Variants in TMEFF2 observed in about 807,000 individuals in gnomAD.
TMEFF2 encodes tomoregulin-2.
TMEFF2 carries 28 observed loss-of-function variants against 53.8 expected under a neutral mutation model. The ratio of observed to expected loss-of-function variants is 0.52; its 90% confidence interval spans 0.39 to 0.71. TMEFF2 has a LOEUF of 0.71. TMEFF2 is among the 30% of genes least tolerant of loss of function. The pLI is 0.00. For synonymous variants in TMEFF2, 162 were observed against 166.3 expected (o/e 0.97, Z 0.20); for missense variants, 353 against 455.2 (o/e 0.78, Z 2.04).
intron 4 of TMEFF2, among the ~76,000 whole-genome samples, chr2:192,089,343 CT>C (rs548259864): frequency 1.4e-4 from 21 of 152,004 alleles, no homozygotes; most frequent in Non-Finnish European, 2.1e-4. Flanking sequence ...CAATCTTAGT[CT>C]TTTTTTCCCC....
At chr2:191,980,213 A>G (rs1451413029) in intron 7 of TMEFF2, among the ~76,000 whole-genome samples, 2 of 152,212 alleles carry the variant, frequency 1.3e-5, no homozygotes, top group African/African-American at 2.4e-5. Flanking sequence ...ATCTGCTCAC[A>G]TTAAACACAG....
At chr2:192,158,824 T>G (rs1186322541) in intron 4 of TMEFF2, among the ~76,000 whole-genome samples, 2 of 152,072 alleles carry the variant, frequency 1.3e-5, no homozygotes, top group Admixed American at 6.6e-5. Flanking sequence ...GTACATGAAT[T>G]TAAAAAGAGA....
intron 4 of TMEFF2, among the ~76,000 whole-genome samples, chr2:192,125,316 A>C (rs959824013): frequency 1.3e-5 from 2 of 152,210 alleles, no homozygotes; most frequent in African/African-American, 4.8e-5. Context: ...TTAAGCTATT[A>C]TATAAAGTTC....
chr2:191,999,885 C>A (rs1015849106), intron 5 of TMEFF2, among the ~76,000 whole-genome samples: 1 of 133,720 alleles, frequency 7.5e-6, no homozygotes, highest in Non-Finnish European at 1.7e-5. Flanking sequence ...TTAAGCATAT[C>A]CTATGAAACC....
chr2:191,951,849 C>T (rs1574237217), intron 9 of TMEFF2, among the ~76,000 whole-genome samples: 1 of 151,956 alleles, frequency 6.6e-6, no homozygotes, highest in Admixed American at 6.5e-5. Context: ...CCCTCAAAAG[C>T]CAATAAATTG....
chr2:191,988,722 G>A (rs930454708), intron 7 of TMEFF2, among the ~76,000 whole-genome samples: 1 of 152,086 alleles, frequency 6.6e-6, no homozygotes, highest in African/African-American at 2.4e-5. Flanking sequence ...ATACTTTTGG[G>A]AGGGAGTTTT....
intron 5 of TMEFF2, among the ~76,000 whole-genome samples, chr2:192,034,099 C>T (rs192951202): frequency 0.022 from 3,214 of 145,572 alleles, 45 homozygotes; most frequent in Admixed American, 0.041. Context: ...GGCGTGAACC[C>T]GGGAGGCGGA....
chr2:191,998,456 T>C, intron 6 of TMEFF2, 135 bp from the exon 7 acceptor site: 1 of 563,310 alleles, frequency 1.8e-6, no homozygotes, highest in Non-Finnish European at 3.0e-6. Context: ...GCAACCTGCA[T>C]CATACTAAGA....
intron 5 of TMEFF2, among the ~76,000 whole-genome samples, chr2:192,007,375 T>G (rs1470110885): frequency 6.6e-6 from 1 of 152,206 alleles, no homozygotes; most frequent in African/African-American, 2.4e-5. Context: ...TCTGGCGCCT[T>G]GCTCCTACTT....
At chr2:192,189,901 C>T (rs955413690) in intron 2 of TMEFF2, among the ~76,000 whole-genome samples, 1 of 152,144 alleles carries the variant, frequency 6.6e-6, no homozygotes, top group South Asian at 2.1e-4. Flanking sequence ...TATTGCAAAG[C>T]ACAAACTAAT....
chr2:192,049,438 T>G (rs1270576066), intron 5 of TMEFF2, among the ~76,000 whole-genome samples: 1 of 152,162 alleles, frequency 6.6e-6, no homozygotes, highest in East Asian at 1.9e-4. Flanking sequence ...TGACACGCTT[T>G]GGAAAGGTTT....
intron 5 of TMEFF2, among the ~76,000 whole-genome samples, chr2:192,023,672 C>T: frequency 6.6e-6 from 1 of 151,778 alleles, no homozygotes; most frequent in East Asian, 1.9e-4. Context: ...TTTTTCATAT[C>T]TCTGTCTGTC....
At chr2:191,982,534 A>G (rs1685878397) in intron 7 of TMEFF2, among the ~76,000 whole-genome samples, 1 of 150,254 alleles carries the variant, frequency 6.7e-6, no homozygotes, top group South Asian at 2.1e-4. Flanking sequence ...AAGAGCATGG[A>G]GAAAGTTACA....
chr2:191,974,681 T>G (rs1311096770), intron 7 of TMEFF2, among the ~76,000 whole-genome samples: 1 of 152,186 alleles, frequency 6.6e-6, no homozygotes, highest in Non-Finnish European at 1.5e-5. Context: ...CTTTATTTTT[T>G]TTAATTGTAA....
intron 7 of TMEFF2, among the ~76,000 whole-genome samples, chr2:191,982,661 T>C (rs1208572116): frequency 6.6e-6 from 1 of 152,128 alleles, no homozygotes; most frequent in Non-Finnish European, 1.5e-5. Context: ...CTAAGAATAA[T>C]AGATGAGACA....
intron 5 of TMEFF2, among the ~76,000 whole-genome samples, chr2:192,032,807 T>C (rs576266727): frequency 6.6e-6 from 1 of 152,304 alleles, no homozygotes; most frequent in Admixed American, 6.5e-5. Context: ...AAAATCAGGA[T>C]AGGAACACTC....
At chr2:192,126,936 G>A (rs1689692487) in intron 4 of TMEFF2, among the ~76,000 whole-genome samples, 1 of 152,200 alleles carries the variant, frequency 6.6e-6, no homozygotes, top group East Asian at 1.9e-4. Flanking sequence ...CAATATAGAA[G>A]TTAATTTTTG....
intron 7 of TMEFF2, among the ~76,000 whole-genome samples, chr2:191,957,820 C>T (rs1263445979): frequency 6.6e-6 from 1 of 152,126 alleles, no homozygotes; most frequent in African/African-American, 2.4e-5. Flanking sequence ...GTCTCTTTAG[C>T]TAGGATGGTT....
At chr2:192,010,355 G>C (rs190294942) in intron 5 of TMEFF2, among the ~76,000 whole-genome samples, 1 of 152,240 alleles carries the variant, frequency 6.6e-6, no homozygotes, top group East Asian at 1.9e-4. Flanking sequence ...ACTTTAAGTA[G>C]AAATATTTCA....
Sources: allele counts gnomAD v4.1 joint callset (sites outside exome capture counted in the v4.1 genomes callset), GRCh38; gene constraint gnomAD v4.1.1; transcripts MANE v1.5; gene names NCBI Gene and HGNC (gene_info 2026-07-23, HGNC 2026-07-21).